The following PALM2AKAP2 variants were observed in gnomAD, a reference collection of about 807,000 sequenced individuals.
PALM2AKAP2 encodes the protein PALM2 and AKAP2 fusion.
In PALM2AKAP2, 37 loss-of-function variants were observed where a neutral mutation model predicts 71.5. The ratio of observed to expected loss-of-function variants is 0.52; its 90% CI spans 0.40 to 0.68. PALM2AKAP2 has a LOEUF of 0.68. Ranked by LOEUF, PALM2AKAP2 falls within the 30% of genes least tolerant of loss-of-function variation. The pLI, the probability that PALM2AKAP2 is intolerant of heterozygous loss-of-function variation, is 0.00. For synonymous variants in PALM2AKAP2, 468 were observed against 478.8 expected, an observed-to-expected ratio of 0.98 and a Z score of 0.29; for missense variants, 1,224 against 1,191.8, an observed-to-expected ratio of 1.03 and a Z score of -0.40.
chr9:110,160,907 C>T (rs1836580076), intron 3 of PALM2AKAP2, among the ~76,000 whole-genome samples: 1 of 152,162 alleles, frequency 6.6e-6, no homozygotes, highest in African/African-American at 2.4e-5. Flanking sequence ...CATCTTAGAA[C>T]AAGAGAAGAC....
intron 6 of PALM2AKAP2, among the ~76,000 whole-genome samples, chr9:109,951,417 C>T (rs1414002332): frequency 6.6e-6 from 1 of 152,240 alleles, no homozygotes. Context: ...GTACTTGTAG[C>T]TTCTCTCTGT....
chr9:109,725,931 C>T (rs892917385), intron 1 of PALM2AKAP2, among the ~76,000 whole-genome samples: 9 of 152,208 alleles, frequency 5.9e-5, no homozygotes, highest in African/African-American at 1.9e-4. Flanking sequence ...TACCCTCTTA[C>T]AATTTTTTGA....
chr9:109,927,928 C>A (rs975644213), intron 5 of PALM2AKAP2, among the ~76,000 whole-genome samples: 2 of 152,176 alleles, frequency 1.3e-5, no homozygotes, highest in African/African-American at 4.8e-5. Context: ...CCAGAACAGG[C>A]AAAGGAAAAT....
At chr9:109,883,040 A>G (rs544606396) in intron 3 of PALM2AKAP2, among the ~76,000 whole-genome samples, 1 of 152,256 alleles carries the variant, frequency 6.6e-6, no homozygotes, top group African/African-American at 2.4e-5. Context: ...TGTTGTTATT[A>G]TGGTCCAATA....
intron 1 of PALM2AKAP2, among the ~76,000 whole-genome samples, chr9:109,644,045 C>G (rs1827112212): frequency 6.6e-6 from 1 of 152,082 alleles, no homozygotes; most frequent in Non-Finnish European, 1.5e-5. Flanking sequence ...GGGGAACTCA[C>G]TCACTATTGC....
At chr9:110,019,181 C>T (rs982407954) in intron 7 of PALM2AKAP2, among the ~76,000 whole-genome samples, 6 of 146,912 alleles carry the variant, frequency 4.1e-5, no homozygotes, top group Non-Finnish European at 8.9e-5. Context: ...CAGAGATTGC[C>T]GTGAGCCGAG....
At chr9:110,118,319 T>C (rs1342736656) in intron 1 of PALM2AKAP2, among the ~76,000 whole-genome samples, 2 of 152,086 alleles carry the variant, frequency 1.3e-5, no homozygotes, top group African/African-American at 2.4e-5. Flanking sequence ...CAATCTCGGC[T>C]CACTGCAACC....
chr9:110,058,957 T>C (rs1833903984), intron 1 of PALM2AKAP2, among the ~76,000 whole-genome samples: 1 of 140,434 alleles, frequency 7.1e-6, no homozygotes, highest in South Asian at 2.3e-4. Flanking sequence ...TGGAGTGCAG[T>C]GGTGCAATCT....
chr9:109,813,293 T>A (rs1472214342), intron 1 of PALM2AKAP2, among the ~76,000 whole-genome samples: 1 of 152,196 alleles, frequency 6.6e-6, no homozygotes, highest in South Asian at 2.1e-4. Flanking sequence ...ATTAAAAGAT[T>A]GCCCATTTCT....
chr9:110,094,710 A>G (rs1834796301), intron 1 of PALM2AKAP2, among the ~76,000 whole-genome samples: 2 of 152,106 alleles, frequency 1.3e-5, no homozygotes, highest in Non-Finnish European at 2.9e-5. Context: ...ATCACTTCTC[A>G]CCAGGCCCCA....
intron 3 of PALM2AKAP2, among the ~76,000 whole-genome samples, chr9:109,914,005 C>T (rs1311740251): frequency 1.3e-5 from 2 of 152,148 alleles, no homozygotes; most frequent in African/African-American, 4.8e-5. Flanking sequence ...ATCCACCCAC[C>T]TCGGCCTCCC....
intron 6 of PALM2AKAP2, among the ~76,000 whole-genome samples, chr9:109,933,689 A>G (rs1457758282): frequency 1.3e-5 from 2 of 152,260 alleles, no homozygotes; most frequent in Non-Finnish European, 2.9e-5. Context: ...TGCATTTTCA[A>G]AAGTATAATG....
At chr9:109,942,050 T>C (rs759254701) in intron 6 of PALM2AKAP2, among the ~76,000 whole-genome samples, 1 of 152,254 alleles carries the variant, frequency 6.6e-6, no homozygotes, top group Non-Finnish European at 1.5e-5. Context: ...TCCAGTGTCC[T>C]ATGTGATGTT....
intron 1 of PALM2AKAP2, among the ~76,000 whole-genome samples, chr9:109,759,411 T>C (rs539847872): frequency 1.3e-5 from 2 of 152,282 alleles, no homozygotes; most frequent in African/African-American, 2.4e-5. Flanking sequence ...ATCAAAACGG[T>C]GATTCTTTAA....
chr9:110,158,807 CA>C (rs2119235031), intron 3 of PALM2AKAP2, among the ~76,000 whole-genome samples: 1 of 152,276 alleles, frequency 6.6e-6, no homozygotes, highest in Admixed American at 6.5e-5. Context: ...ACAACAGAAC[CA>C]AGTTTGCTGT....
chr9:110,062,444 T>C (rs1357303202), intron 1 of PALM2AKAP2, among the ~76,000 whole-genome samples: 1 of 152,234 alleles, frequency 6.6e-6, no homozygotes, highest in Non-Finnish European at 1.5e-5. Context: ...TATGGCTGCA[T>C]AGTATTCCAT....
chr9:109,744,019 G>A (rs1037239089), intron 1 of PALM2AKAP2, among the ~76,000 whole-genome samples: 4 of 152,208 alleles, frequency 2.6e-5, no homozygotes, highest in African/African-American at 9.7e-5. Context: ...GGGAGTGGGA[G>A]TGAGGTGAAA....
intron 2 of PALM2AKAP2, among the ~76,000 whole-genome samples, chr9:109,868,410 G>T (rs1379991496): frequency 2.0e-5 from 3 of 152,120 alleles, no homozygotes; most frequent in Non-Finnish European, 2.9e-5. Flanking sequence ...TGGGCTTTTT[G>T]GCAGGAAAAC....
chr9:109,776,352 G>A (rs1177067164), upstream of PALM2AKAP2, among the ~76,000 whole-genome samples: 1 of 152,180 alleles, frequency 6.6e-6, no homozygotes, highest in African/African-American at 2.4e-5. Flanking sequence ...TTTCACCTAG[G>A]GTTCTTGGTC....
Sources: gnomAD v4.1 joint callset for allele counts (sites outside exome capture counted in the v4.1 genomes callset) on GRCh38, gnomAD v4.1.1 for gene constraint, MANE v1.5 for transcripts, NCBI Gene and HGNC (gene_info 2026-07-23, HGNC 2026-07-21) for gene names.